The following PDZD7 variants were observed in gnomAD, a reference collection of about 807,000 sequenced individuals.
The protein encoded by PDZD7 is PDZ domain containing 7.
PDZD7 carries 72 observed loss-of-function variants against 84.7 expected under a neutral mutation model. The observed-to-expected ratio is 0.85, with a 90% CI of 0.70 to 1.03. The LOEUF (loss-of-function observed/expected upper bound fraction) is 1.03, where lower values mean the gene tolerates loss of function less well. Among genes scored for constraint, PDZD7 ranks in the 50% least tolerant of loss-of-function variants. The pLI is 0.00. For missense variants in PDZD7, 1,490 were observed against 1,412.9 expected, an observed-to-expected ratio of 1.05 and a Z score of -0.87; for synonymous variants, 594 against 580.7, an observed-to-expected ratio of 1.02 and a Z score of -0.33.
intron 11 of PDZD7, 83 bp downstream of exon 11, chr10:101,015,553 T>A: frequency 6.8e-7 from 1 of 1,480,154 alleles, no homozygotes; most frequent in South Asian, 1.3e-5. Flanking sequence ...CAGACACTGG[T>A]CAGTGGACAG....
chr10:101,030,609 G>A lies in PDZD7; in HGVS notation c.-165-225C>T, dbSNP rs889295371. 22 of 391,170 alleles carry A rather than the reference G, an allele frequency of 5.6e-5. No individual in the cohort carries two copies. In the East Asian group the frequency reaches 1.3e-3, roughly 24 times the overall value. The allele number at this position is 391,170 out of a possible 1,614,324, so 24.2% of individuals were successfully genotyped here. A position where few individuals can be genotyped will look rare whatever the true frequency, so the allele number is the denominator to read the frequency against. On this transcript the variant is annotated intron_variant, in intron 1 of 16. Transcript: ENST00000619208. ...CCTTTCACCCCTCATTCCTGCTCGG[G>A]GCTGAGTCATCTACTCCCGTCCCCA...
chr10:101,009,075 G>A (rs946949407), intron 16 of PDZD7, among the ~76,000 whole-genome samples, 175 bp downstream of exon 16: 3 of 152,118 alleles, frequency 2.0e-5, no homozygotes, highest in Non-Finnish European at 4.4e-5. Context: ...CTAGCATGAG[G>A]GGACAGAGTT....
intron 10 of PDZD7, 130 bp from the exon 11 acceptor site, chr10:101,015,941 G>A: frequency 9.7e-7 from 1 of 1,034,668 alleles, no homozygotes; most frequent in South Asian, 1.7e-5. Flanking sequence ...TCCCCACCAT[G>A]GTAGCCCACA....
At chr10:101,028,138 C>T (rs1407922009) in intron 2 of PDZD7, among the ~76,000 whole-genome samples, 2 of 152,170 alleles carry the variant, frequency 1.3e-5, no homozygotes, top group Admixed American at 1.3e-4. Flanking sequence ...ATTCTGAGCT[C>T]AGAGGGTCCC....
chr10:101,010,841 G>A lies in PDZD7; in HGVS notation c.2048C>T (p.Pro683Leu), dbSNP rs976461838. The change falls in exon 15 of 17, where the codon CCG becomes CTG. Residue 683 changes from proline to leucine, a missense_variant. Coordinates refer to ENST00000619208, the MANE Select transcript of PDZD7 (RefSeq NM_001195263.2). The stretch of plus-strand genomic sequence containing the variant: ...CAGCTCCCCATTATCTTCCTCTTCC[G>A]GGAAGCCGTTCACCGGCAGCAGGTA... ...GFYLLPVNGF[P>L]EEEDNGELRE... 4 of 1,534,764 alleles carry A rather than the reference G, an allele frequency of 2.6e-6. No homozygotes were observed. Among genetic ancestry groups the A allele is most frequent in the Middle Eastern group, 1.9e-4 (1 of 5,288 alleles).
Position 101,008,650 on chromosome 10 carries a change from G to A in PDZD7, c.2919C>T (p.His973=), listed in dbSNP as rs756482267. ...CATCAAGGGGTTGGTGGGCAGGCAA[G>A]TGGTCAGCAGGAAGGCCCCCATCAG... ...ALTDGGLPAD[H]LPAHQPLDAA... The change falls in exon 17 of 17, where the codon CAC becomes CAT. Residue 973 remains histidine, a synonymous_variant. Transcript: ENST00000619208. 1 of 1,536,126 alleles carries A rather than the reference G, an allele frequency of 6.5e-7. No individual in the cohort carries two copies. The highest frequency in any genetic ancestry group is 1.2e-5 in the South Asian group (1 of 84,058).
intron 6 of PDZD7, among the ~76,000 whole-genome samples, chr10:101,021,114 G>A (rs1302539912): frequency 6.6e-6 from 1 of 152,152 alleles, no homozygotes; most frequent in East Asian, 1.9e-4. Context: ...CAGAGTGGGA[G>A]TGAGGAAAGA....
intron 9 of PDZD7, 149 bp from the exon 10 acceptor site, chr10:101,016,576 G>T: frequency 1.3e-6 from 1 of 782,118 alleles, no homozygotes; most frequent in Admixed American, 2.5e-5. Context: ...GGGGCTTGAA[G>T]GCAATGCTCA....
chr10:101,011,606 G>T, intron 14 of PDZD7, 84 bp downstream of exon 14: 2 of 1,511,138 alleles, frequency 1.3e-6, no homozygotes, highest in Non-Finnish European at 8.9e-7. Flanking sequence ...TGCCCCTAGT[G>T]GGGAAAGAAG....
intron 12 of PDZD7, 30 bp from the exon 13 acceptor site, chr10:101,012,046 G>C (rs774562678): frequency 6.5e-7 from 1 of 1,544,124 alleles, no homozygotes; most frequent in South Asian, 1.2e-5. Flanking sequence ...AGCAGGGGTG[G>C]GAGGGGCAGG....
At chr10:101,009,599 C>CTTTTTTTTTT (rs142806278) in intron 15 of PDZD7, among the ~76,000 whole-genome samples, 3 of 62,234 alleles carry the variant, frequency 4.8e-5, no homozygotes, top group Non-Finnish European at 8.0e-5. Context: ...GAGACAGAGT[C>CTTTTTTTTTT]TTTTTTTTTT....
At chr10:101,011,407 A>G (rs1165834795) in intron 14 of PDZD7, 1 of 760,314 alleles carries the variant, frequency 1.3e-6, no homozygotes, top group East Asian at 3.8e-5. Flanking sequence ...CTAAGAAAAA[A>G]TACGACTAGC....
chr10:101,011,584 G>A, intron 14 of PDZD7, 106 bp downstream of exon 14: 1 of 1,485,386 alleles, frequency 6.7e-7, no homozygotes, highest in Non-Finnish European at 8.9e-7. Context: ...CAATGTGCCT[G>A]GAAGCCACAA....
chr10:101,024,111 G>A (rs1415552477), intron 2 of PDZD7, 43 bp from the exon 3 acceptor site: 2 of 1,613,910 alleles, frequency 1.2e-6, no homozygotes, highest in East Asian at 2.2e-5. Context: ...GTTCATTGTG[G>A]GCACAGAGGG....
intron 9 of PDZD7, among the ~76,000 whole-genome samples, chr10:101,017,049 C>G (rs1012818091): frequency 1.1e-4 from 17 of 152,322 alleles, no homozygotes; most frequent in Admixed American, 2.6e-4. Flanking sequence ...CCACCCCACT[C>G]TGTTCTTAGC....
At chr10:101,017,893 A>AAG (rs1852778972) in intron 9 of PDZD7, 1 of 333,796 alleles carries the variant, frequency 3.0e-6, no homozygotes, top group African/African-American at 8.7e-5. Context: ...GAAAGAAAGA[A>AAG]AAGAAAGAAA....
intron 2 of PDZD7, among the ~76,000 whole-genome samples, chr10:101,027,872 A>C (rs932618982): frequency 6.6e-6 from 1 of 152,200 alleles, no homozygotes; most frequent in African/African-American, 2.4e-5. Flanking sequence ...AAATGGATGG[A>C]TGGATGGTCA....
chr10:101,023,866 G>T, intron 3 of PDZD7, 62 bp downstream of exon 3: 1 of 1,611,930 alleles, frequency 6.2e-7, no homozygotes, highest in Non-Finnish European at 8.5e-7. Context: ...AGCATCCCCT[G>T]CCATTCACTG....
chr10:101,030,285 C>T lies in PDZD7; in HGVS notation c.-66G>A. 1 of 1,417,204 alleles carries T rather than the reference C, an allele frequency of 7.1e-7. No homozygotes were observed. The highest frequency in any genetic ancestry group is 9.7e-7 in the Non-Finnish European group (1 of 1,035,326). 87.8% of individuals were successfully genotyped at this position (1,417,204 alleles called of 1,614,324 possible). ...ATCTGCTAGCTCTGGAGAGGCCAGC[C>T]CTGCGTGCTTCGAGCTCCATGAGCC... On this transcript the variant is annotated 5_prime_UTR_variant, in exon 2 of 17. Transcript: ENST00000619208.
Sources: gnomAD v4.1 joint callset for allele counts (sites outside exome capture counted in the v4.1 genomes callset) on GRCh38, gnomAD v4.1.1 for gene constraint, MANE v1.5 for transcripts, NCBI Gene and HGNC (gene_info 2026-07-23, HGNC 2026-07-21) for gene names.